PEMT: variants seen among roughly 807,000 people sequenced by gnomAD.
The protein encoded by PEMT is phospholipid methyltransferase.
A neutral mutation model predicts 27.4 loss-of-function variants in PEMT; 23 were observed. That is an observed-to-expected ratio of 0.84 (90% CI 0.60 to 1.19). The LOEUF is 1.19. PEMT is among the 50% of genes most tolerant of loss of function. The probability of loss-of-function intolerance (pLI) is 0.00; values close to 1 mark genes in which losing one functional copy is unlikely to be tolerated. For missense variants in PEMT, 307 were observed against 310.1 expected, an observed-to-expected ratio of 0.99 and a Z score of 0.07; for synonymous variants, 137 against 139.1, an observed-to-expected ratio of 0.98 and a Z score of 0.11.
At chr17:17,551,053 G>T (rs1909625231) in intron 2 of PEMT, among the ~76,000 whole-genome samples, 1 of 152,180 alleles carries the variant, frequency 6.6e-6, no homozygotes, top group Admixed American at 6.5e-5. Context: ...GGAAAAGTTG[G>T]AAATAAACCA....
intron 2 of PEMT, among the ~76,000 whole-genome samples, chr17:17,541,486 G>A (rs1908880650): frequency 6.6e-6 from 1 of 152,226 alleles, no homozygotes; most frequent in South Asian, 2.1e-4. Flanking sequence ...GGCCGCAGCA[G>A]CAGCGGGGCA....
chr17:17,578,174 T>C (rs928159230), intron 1 of PEMT, among the ~76,000 whole-genome samples: 2 of 140,884 alleles, frequency 1.4e-5, no homozygotes, highest in African/African-American at 5.5e-5. Flanking sequence ...GATTTTACAA[T>C]TTTTTTTTTT....
intron 2 of PEMT, among the ~76,000 whole-genome samples, chr17:17,543,277 C>T (rs966775491): frequency 5.3e-5 from 8 of 152,278 alleles, no homozygotes; most frequent in African/African-American, 1.7e-4. Context: ...GAGCACTCCA[C>T]ACTGTCCTTT....
intron 2 of PEMT, 88 bp from the exon 3 acceptor site, chr17:17,522,483 C>T (rs1220042119): frequency 2.3e-5 from 19 of 839,380 alleles, no homozygotes; most frequent in Admixed American, 1.5e-4. Context: ...CTCTGCTTCC[C>T]AGGCTCCAAA....
intron 4 of PEMT, among the ~76,000 whole-genome samples, chr17:17,511,922 G>C (rs1351535123): frequency 6.6e-6 from 1 of 152,032 alleles, no homozygotes. Flanking sequence ...GTCTAGCCAG[G>C]CCAGCACTGG....
chr17:17,555,742 C>T (rs1401243749), intron 2 of PEMT, among the ~76,000 whole-genome samples: 5 of 152,308 alleles, frequency 3.3e-5, no homozygotes, highest in Admixed American at 2.6e-4. Flanking sequence ...CCAGCCAGCC[C>T]CTGTGCTGCC....
intron 1 of PEMT, 120 bp downstream of exon 1, chr17:17,591,411 C>T (rs918899230): frequency 4.7e-6 from 4 of 846,208 alleles, no homozygotes; most frequent in Non-Finnish European, 7.3e-6. Flanking sequence ...ACGCCACGCC[C>T]CCATTGCCTG....
At chr17:17,590,132 C>T (rs897955253) in intron 1 of PEMT, among the ~76,000 whole-genome samples, 5 of 151,896 alleles carry the variant, frequency 3.3e-5, no homozygotes, top group African/African-American at 1.2e-4. Flanking sequence ...CCATCTTGAT[C>T]TGAGGATTAA....
At chr17:17,580,996 C>T (rs1911943027) in intron 1 of PEMT, among the ~76,000 whole-genome samples, 1 of 152,270 alleles carries the variant, frequency 6.6e-6, no homozygotes, top group Non-Finnish European at 1.5e-5. Flanking sequence ...AGAGCAGAGC[C>T]CCGCTCAGCT....
At chr17:17,542,736 G>A (rs1461866411) in intron 2 of PEMT, among the ~76,000 whole-genome samples, 1 of 152,212 alleles carries the variant, frequency 6.6e-6, no homozygotes, top group African/African-American at 2.4e-5. Flanking sequence ...TGGGCTCTGT[G>A]AAGTAGCCAG....
chr17:17,547,352 G>A (rs547335020), intron 2 of PEMT, among the ~76,000 whole-genome samples: 10 of 152,374 alleles, frequency 6.6e-5, no homozygotes, highest in Middle Eastern at 3.4e-3. Flanking sequence ...CAGGCGAGGC[G>A]TTCAGGGCCT....
chr17:17,546,943 G>A (rs1175569227), intron 2 of PEMT, among the ~76,000 whole-genome samples: 1 of 152,240 alleles, frequency 6.6e-6, no homozygotes, highest in African/African-American at 2.4e-5. Flanking sequence ...ACCTCTGCAT[G>A]CACTGGTGAC....
intron 1 of PEMT, among the ~76,000 whole-genome samples, chr17:17,579,714 T>TAC (rs1911864854): frequency 6.6e-6 from 1 of 152,106 alleles, no homozygotes; most frequent in African/African-American, 2.4e-5. Flanking sequence ...TGCAGGCCCC[T>TAC]CCTAAGGGAT....
chr17:17,558,514 A>C (rs199632702), intron 2 of PEMT, among the ~76,000 whole-genome samples: 22,958 of 151,466 alleles, frequency 0.15, 3,186 homozygotes, highest in African/African-American at 0.37. Flanking sequence ...ATCTCAAAAA[A>C]AAAAAACAAA....
rs773915920 is a variant in PEMT, at chr17:17,506,338, C to T, written c.579-37G>A. On this transcript the variant is annotated intron_variant, in intron 5 of 6. Transcript: ENST00000255389. ...GAGGCAGGTCAGGCCTGGCTGGAGC[C>T]AGGGTCTCTCAGGGCCACGGCCCAC... The T allele has an allele frequency of 1.5e-5, 22 of 1,451,570 alleles. No homozygotes were observed. In the Middle Eastern group the frequency reaches 7.4e-4, roughly 49 times the overall value. The allele number at this position is 1,451,570 out of a possible 1,614,324, so 89.9% of individuals were successfully genotyped here. A position where few individuals can be genotyped will look rare whatever the true frequency, so the allele number is the denominator to read the frequency against.
At chr17:17,514,375 G>A (rs370700740) in intron 3 of PEMT, among the ~76,000 whole-genome samples, 2 of 152,334 alleles carry the variant, frequency 1.3e-5, no homozygotes, top group East Asian at 3.9e-4. Flanking sequence ...CATATTCATC[G>A]ACTGGAGAGA....
chr17:17,576,902 G>A lies in PEMT; in HGVS notation c.204+18C>T, dbSNP rs952087897. On this transcript the variant is annotated intron_variant, in intron 2 of 6. Transcript: ENST00000255389. ...AGTGAGATACTCCCGTCTGGACAGT[G>A]TCAGGCACATCACTTACCACATTCC... 2 of 1,594,718 alleles carry A rather than the reference G, an allele frequency of 1.3e-6. No individual in the cohort carries two copies. The highest frequency in any genetic ancestry group is 1.7e-5 in the Admixed American group (1 of 60,000).
At chr17:17,558,267 G>A (rs1910211959) in intron 2 of PEMT, among the ~76,000 whole-genome samples, 1 of 152,214 alleles carries the variant, frequency 6.6e-6, no homozygotes, top group African/African-American at 2.4e-5. Context: ...AGGGCTTTGG[G>A]AGGCTGAGGC....
intron 3 of PEMT, among the ~76,000 whole-genome samples, chr17:17,520,394 C>A (rs998094353): frequency 6.6e-6 from 1 of 152,242 alleles, no homozygotes; most frequent in East Asian, 1.9e-4. Context: ...TCTCCCTAAG[C>A]CACTGCTGAG....
Sources: allele counts gnomAD v4.1 joint callset (sites outside exome capture counted in the v4.1 genomes callset), GRCh38; gene constraint gnomAD v4.1.1; transcripts MANE v1.5; gene names NCBI Gene and HGNC (gene_info 2026-07-23, HGNC 2026-07-21).